The following UMAD1 variants were observed in gnomAD, a reference collection of about 807,000 sequenced individuals.
The protein encoded by UMAD1 is UBAP1-MVB12-associated (UMA)-domain containing protein 1.
In UMAD1, 8 loss-of-function variants were observed where a neutral mutation model predicts 6.1. That is an observed-to-expected ratio of 1.30 (90% CI 0.76 to 2.35). The LOEUF is 2.35. Among genes scored for constraint, UMAD1 ranks in the 30% most tolerant of loss-of-function variants. The pLI is 0.00. For synonymous variants in UMAD1, 56 were observed against 31.4 expected (o/e 1.78, Z -2.61); for missense variants, 130 against 78.4 (o/e 1.66, Z -2.49).
intron 2 of UMAD1, among the ~76,000 whole-genome samples, chr7:7,768,205 A>G (rs547018429): frequency 4.6e-5 from 7 of 152,176 alleles, no homozygotes; most frequent in African/African-American, 1.7e-4. Flanking sequence ...AATTTAGTCA[A>G]ACTCATTGCC....
intron 2 of UMAD1, among the ~76,000 whole-genome samples, chr7:7,765,235 T>G (rs1428731626): frequency 6.6e-6 from 1 of 152,204 alleles, no homozygotes; most frequent in Non-Finnish European, 1.5e-5. Context: ...CTCTTCTGTG[T>G]CTGTCCTTTT....
chr7:7,792,768 C>G (rs143622052), intron 2 of UMAD1, among the ~76,000 whole-genome samples: 2 of 152,148 alleles, frequency 1.3e-5, no homozygotes, highest in African/African-American at 2.4e-5. Context: ...ATTTATTTCT[C>G]GCAGTTCTGG....
At chr7:7,813,638 T>C (rs1295656931) in intron 3 of UMAD1, among the ~76,000 whole-genome samples, 2 of 152,244 alleles carry the variant, frequency 1.3e-5, no homozygotes, top group African/African-American at 4.8e-5. Flanking sequence ...CACAACTTTT[T>C]AGCTGAGAAG....
chr7:7,774,512 GA>G (rs1782162560), intron 2 of UMAD1, among the ~76,000 whole-genome samples: 1 of 152,174 alleles, frequency 6.6e-6, no homozygotes, highest in Non-Finnish European at 1.5e-5. Flanking sequence ...AAAAGAAAGA[GA>G]GAGAGCTTGA....
chr7:7,788,645 T>G (rs765211237), intron 2 of UMAD1, among the ~76,000 whole-genome samples: 27 of 149,614 alleles, frequency 1.8e-4, no homozygotes, highest in Non-Finnish European at 3.8e-4. Context: ...TTTCCTTCTC[T>G]CAACTCCTCA....
intron 2 of UMAD1, among the ~76,000 whole-genome samples, chr7:7,759,088 G>A (rs1444433174): frequency 6.6e-6 from 1 of 152,124 alleles, no homozygotes. Context: ...TGAATTACTG[G>A]CTTTTGTTGT....
At chr7:7,815,888 A>G (rs893392523) in intron 3 of UMAD1, among the ~76,000 whole-genome samples, 1 of 152,178 alleles carries the variant, frequency 6.6e-6, no homozygotes, top group Non-Finnish European at 1.5e-5. Context: ...TTTTGCTTTT[A>G]GAAGGTTCAT....
At chr7:7,701,149 T>C (rs1013880429) in intron 2 of UMAD1, among the ~76,000 whole-genome samples, 1 of 152,212 alleles carries the variant, frequency 6.6e-6, no homozygotes, top group Non-Finnish European at 1.5e-5. Context: ...AATAAACATG[T>C]TCTGTATTCT....
intron 3 of UMAD1, among the ~76,000 whole-genome samples, chr7:7,827,177 G>GTA (rs1554333306): frequency 1.5e-3 from 221 of 147,276 alleles, no homozygotes; most frequent in African/African-American, 5.4e-3. Flanking sequence ...GTGTGTGTGT[G>GTA]TATCACATGA....
chr7:7,756,660 A>G (rs1011605743), intron 2 of UMAD1, among the ~76,000 whole-genome samples: 1 of 152,184 alleles, frequency 6.6e-6, no homozygotes, highest in Admixed American at 6.5e-5. Context: ...CTCTTGTTAA[A>G]AAGTTTTTAA....
chr7:7,679,486 TATAG>T (rs1248043323), intron 2 of UMAD1, among the ~76,000 whole-genome samples: 1 of 9,572 alleles, frequency 1.0e-4, no homozygotes, highest in Non-Finnish European at 1.5e-4. Flanking sequence ...ATATTTAATT[TATAG>T]ATAAATATAT....
rs1007105107 is a variant in UMAD1 at position 7,877,298 on chromosome 7, A to G, written c.174A>G (p.Ser58=). The G allele has an allele frequency of 2.8e-6, 2 of 714,574 alleles. No homozygotes were observed. Among genetic ancestry groups the G allele is most frequent in the Non-Finnish European group, 5.2e-6 (2 of 382,570 alleles). The allele number at this position is 714,574 out of a possible 1,614,324, so 44.3% of individuals were successfully genotyped here. A position where few individuals can be genotyped will look rare whatever the true frequency, so the allele number is the denominator to read the frequency against. The part of the protein sequence containing the change: ...NQPLETNKEN[S]SSVTVSDPEM... ...ATTTTTAGACCAACAAAGAAAATTC[A>G]TCCAGTGTGACTGTATCAGACCCTG... Residue 58 remains serine (S), a synonymous_variant, in exon 4 of 4, where the codon TCA becomes TCG. Transcript: ENST00000682710.
At chr7:7,757,580 A>G (rs1395372195) in intron 2 of UMAD1, among the ~76,000 whole-genome samples, 1 of 152,214 alleles carries the variant, frequency 6.6e-6, no homozygotes, top group Non-Finnish European at 1.5e-5. Flanking sequence ...ACTTTTTTGA[A>G]GAGTTAGTTT....
intron 1 of UMAD1, among the ~76,000 whole-genome samples, chr7:7,660,293 C>G (rs1052508407): frequency 6.6e-6 from 1 of 152,128 alleles, no homozygotes; most frequent in Non-Finnish European, 1.5e-5. Context: ...GGCATTTAGC[C>G]CATTTACATT....
At chr7:7,707,788 A>G (rs774738562) in intron 2 of UMAD1, among the ~76,000 whole-genome samples, 8 of 152,216 alleles carry the variant, frequency 5.3e-5, no homozygotes, top group Admixed American at 3.3e-4. Context: ...CAGAAATGTC[A>G]TTAACTTGAA....
chr7:7,699,369 A>C (rs1780401857), intron 2 of UMAD1, among the ~76,000 whole-genome samples: 1 of 152,220 alleles, frequency 6.6e-6, no homozygotes, highest in Non-Finnish European at 1.5e-5. Flanking sequence ...TCAAGTTAAA[A>C]ATTTAATATC....
chr7:7,755,576 T>C (rs1316105875), intron 2 of UMAD1, among the ~76,000 whole-genome samples: 1 of 152,196 alleles, frequency 6.6e-6, no homozygotes, highest in Non-Finnish European at 1.5e-5. Flanking sequence ...TTTATGCCAC[T>C]CACTACAGTC....
At chr7:7,824,778 T>G (rs1159930784) in intron 3 of UMAD1, among the ~76,000 whole-genome samples, 1 of 152,166 alleles carries the variant, frequency 6.6e-6, no homozygotes, top group Non-Finnish European at 1.5e-5. Flanking sequence ...AGCTTTCCAC[T>G]TGGTAAAACT....
chr7:7,750,486 C>G (rs1781656805), intron 2 of UMAD1, among the ~76,000 whole-genome samples: 1 of 152,166 alleles, frequency 6.6e-6, no homozygotes, highest in Non-Finnish European at 1.5e-5. Flanking sequence ...AAACTCCACT[C>G]CAATTAGAAT....
Sources: gnomAD v4.1 joint callset for allele counts (sites outside exome capture counted in the v4.1 genomes callset) on GRCh38, gnomAD v4.1.1 for gene constraint, MANE v1.5 for transcripts, NCBI Gene and HGNC (gene_info 2026-07-23, HGNC 2026-07-21) for gene names.